PKP2: variants seen among roughly 807,000 people sequenced by gnomAD.
The protein encoded by PKP2 is plakophilin-2.
Under a neutral mutation model 83.4 loss-of-function variants are expected in PKP2, and 73 were observed. The ratio of observed to expected loss-of-function variants is 0.88; its 90% CI spans 0.72 to 1.06. The LOEUF (loss-of-function observed/expected upper bound fraction) is 1.06. PKP2 is among the 50% of genes least tolerant of loss of function. PKP2 has a pLI of 0.00. For synonymous variants in PKP2, 409 were observed against 430.4 expected (o/e 0.95, Z 0.62); for missense variants, 966 against 1,065.4 (o/e 0.91, Z 1.30).
At chr12:32,892,704 T>C (rs1957084441) in intron 1 of PKP2, among the ~76,000 whole-genome samples, 1 of 150,660 alleles carries the variant, frequency 6.6e-6, no homozygotes, top group Non-Finnish European at 1.5e-5. Context: ...TTGTGGTGGA[T>C]TTCCAAAGAG....
chr12:32,831,713 G>A (rs376940315), intron 6 of PKP2, among the ~76,000 whole-genome samples: 4 of 152,196 alleles, frequency 2.6e-5, no homozygotes, highest in East Asian at 3.9e-4. Flanking sequence ...GCAAAGAGAA[G>A]TGTTACATAA....
At chr12:32,890,498 AT>A (rs1957067779) in intron 1 of PKP2, among the ~76,000 whole-genome samples, 1 of 152,240 alleles carries the variant, frequency 6.6e-6, no homozygotes, top group East Asian at 1.9e-4. Flanking sequence ...AATTATTTTA[AT>A]AGTAATGGCA....
In PKP2 at chr12:32,878,254, C is replaced by T. The variant is rs1956952620; in HGVS notation, c.626G>A (p.Ser209Asn). 6.2e-7 allele frequency: 1 copy of T among 1,613,942 alleles called. No individual in the cohort carries two copies. Among genetic ancestry groups the T allele is most frequent in the Non-Finnish European group, 8.5e-7 (1 of 1,180,014 alleles). The change falls in exon 3 of 13, where the codon AGC becomes AAC. Residue 209 changes from serine to asparagine, a missense_variant. Coordinates refer to ENST00000340811, the MANE Select transcript of PKP2 (RefSeq NM_001005242.3). ...IVGVSRAGTTSRQRHFDTYHR... is the reference protein window; with the variant it reads ...IVGVSRAGTTNRQRHFDTYHR... ...GTATGTGTCAAAGTGGCGCTGCCTG[C>T]TTGTGGTGCCAGCACGGCTGACCCC...
At chr12:32,836,037 A>G (rs190609931) in intron 6 of PKP2, among the ~76,000 whole-genome samples, 146 of 152,344 alleles carry the variant, frequency 9.6e-4, no homozygotes, top group South Asian at 2.5e-3. Flanking sequence ...CTGAAATGCC[A>G]AGAATCACTC....
At chr12:32,886,688 G>A (rs1957033224) in intron 1 of PKP2, among the ~76,000 whole-genome samples, 1 of 152,174 alleles carries the variant, frequency 6.6e-6, no homozygotes, top group Non-Finnish European at 1.5e-5. Context: ...AGTAGAATTT[G>A]TTGGTTTAGA....
chr12:32,793,271 T>C (rs1956089318), intron 11 of PKP2, among the ~76,000 whole-genome samples: 2 of 152,072 alleles, frequency 1.3e-5, no homozygotes, highest in Admixed American at 6.6e-5. Flanking sequence ...AACAAACAAG[T>C]AATTTATACA....
chr12:32,805,787 G>A (rs531231104), intron 9 of PKP2, among the ~76,000 whole-genome samples: 79 of 152,184 alleles, frequency 5.2e-4, no homozygotes, highest in African/African-American at 1.9e-3. Flanking sequence ...TTGGCTATTC[G>A]GCTCTTTTTC....
chr12:32,851,562 A>G (rs1237467570), intron 4 of PKP2, among the ~76,000 whole-genome samples: 2 of 152,036 alleles, frequency 1.3e-5, no homozygotes, highest in African/African-American at 2.4e-5. Context: ...TCCGCCTCCC[A>G]GGTTCACACC....
intron 6 of PKP2, among the ~76,000 whole-genome samples, chr12:32,836,219 A>G (rs1354490329): frequency 1.3e-5 from 2 of 152,198 alleles, no homozygotes; most frequent in Admixed American, 6.6e-5. Context: ...AGTGACTTCA[A>G]TTGTGAAAAG....
chr12:32,850,728 C>A, intron 5 of PKP2, 38 bp downstream of exon 5: 1 of 1,518,272 alleles, frequency 6.6e-7, no homozygotes, highest in Non-Finnish European at 9.1e-7. Flanking sequence ...GGCTGGGGTG[C>A]AAATGTGTTA....
intron 6 of PKP2, among the ~76,000 whole-genome samples, chr12:32,835,351 C>T (rs1956535777): frequency 1.3e-5 from 2 of 152,044 alleles, no homozygotes; most frequent in Admixed American, 6.6e-5. Flanking sequence ...CCGTGCCCGG[C>T]CTACTTTTGG....
At position 32,867,328 on chromosome 12, in the gene PKP2, A is replaced by C. The variant is rs533733308; in HGVS notation, c.1170+1599T>G. Among the ~76,000 whole-genome samples the C allele has an allele frequency of 4.5e-4, 68 of 152,322 alleles. 2 individuals are homozygous for C. The highest frequency in any genetic ancestry group is 3.8e-3 in the Admixed American group (58 of 15,302). On this transcript the variant is annotated intron_variant, in intron 4 of 12. Coordinates refer to ENST00000340811, the MANE Select transcript of PKP2 (RefSeq NM_001005242.3). Reference sequence around the variant, plus strand: ...AAGCGACACAGTGAGACCCTGTCTCAAAACATAGAAAGAAAGCAGATCACT... The same window carrying C: ...AAGCGACACAGTGAGACCCTGTCTCCAAACATAGAAAGAAAGCAGATCACT...
intron 6 of PKP2, among the ~76,000 whole-genome samples, chr12:32,829,604 A>G (rs1956479705): frequency 6.6e-6 from 1 of 151,946 alleles, no homozygotes; most frequent in Non-Finnish European, 1.5e-5. Flanking sequence ...TAACTAACAC[A>G]CAGTTTATGT....
At chr12:32,858,111 A>T (rs1020666) in intron 4 of PKP2, among the ~76,000 whole-genome samples, 2 of 91,506 alleles carry the variant, frequency 2.2e-5, no homozygotes, top group African/African-American at 4.2e-5. Context: ...ATATATATAT[A>T]TATATTTATA....
At chr12:32,863,381 CT>C in intron 4 of PKP2, 1 of 268,930 alleles carries the variant, frequency 3.7e-6, no homozygotes, top group Non-Finnish European at 7.8e-6. Flanking sequence ...AGCAATCTTC[CT>C]GCTAGAGCTA....
chr12:32,840,855 G>A (rs1156951688), intron 6 of PKP2, among the ~76,000 whole-genome samples, 173 bp downstream of exon 6: 3 of 152,046 alleles, frequency 2.0e-5, no homozygotes, highest in Non-Finnish European at 4.4e-5. Flanking sequence ...TCCAGCCTGG[G>A]CAACAGAGCG....
chr12:32,867,724 C>T lies in PKP2; in HGVS notation c.1170+1203G>A, dbSNP rs547142861. On this transcript the variant is annotated intron_variant, in intron 4 of 12. Coordinates refer to ENST00000340811, the MANE Select transcript of PKP2 (RefSeq NM_001005242.3). ...TCAACTGTTTCAACAATTGTTTCTT[C>T]GTGTATAAAATATCTCTGGAAAGAT... Among the ~76,000 whole-genome samples the T allele has an allele frequency of 4.6e-5, 7 of 152,102 alleles. No homozygotes were observed. The East Asian group carries it at 5.8e-4, about 13-fold the overall frequency.
intron 4 of PKP2, among the ~76,000 whole-genome samples, chr12:32,864,309 T>TACACACACAC (rs35886681): frequency 1.4e-5 from 2 of 145,830 alleles, no homozygotes; most frequent in South Asian, 2.2e-4. Context: ...ACTATACACA[T>TACACACACAC]ACACACACAC....
intron 1 of PKP2, among the ~76,000 whole-genome samples, chr12:32,879,822 ACT>A (rs1956969143): frequency 6.7e-6 from 1 of 149,158 alleles, no homozygotes; most frequent in Non-Finnish European, 1.5e-5. Flanking sequence ...CAAGAGTGAA[ACT>A]CTGTCTCAAA....
Sources: allele counts gnomAD v4.1 joint callset (sites outside exome capture counted in the v4.1 genomes callset), GRCh38; gene constraint gnomAD v4.1.1; transcripts MANE v1.5; gene names NCBI Gene and HGNC (gene_info 2026-07-23, HGNC 2026-07-21).